GJC1: variants seen among roughly 807,000 people sequenced by gnomAD.
The protein encoded by GJC1 is gap junction gamma-1 protein.
GJC1 carries 5 observed loss-of-function variants against 29.3 expected under a neutral mutation model. The observed-to-expected ratio is 0.17, with a 90% CI of 0.09 to 0.36. The LOEUF (loss-of-function observed/expected upper bound fraction) is 0.36, where lower values mean the gene tolerates loss of function less well. Among genes scored for constraint, GJC1 ranks in the 10% least tolerant of loss-of-function variants. The pLI, the probability that GJC1 is intolerant of heterozygous loss-of-function variation, is 1.00. For synonymous variants in GJC1, 177 were observed against 183.3 expected (o/e 0.97, Z 0.28); for missense variants, 310 against 496.2 (o/e 0.62, Z 3.56).
chr17:44,822,309 G>A (rs9907972), intron 1 of GJC1, among the ~76,000 whole-genome samples: 4,965 of 151,508 alleles, frequency 0.033, 166 homozygotes, highest in African/African-American at 0.068. Flanking sequence ...AACTGCTAAC[G>A]GGTATCAGGT....
chr17:44,824,718 G>C (rs982317083), intron 1 of GJC1, among the ~76,000 whole-genome samples: 1 of 151,556 alleles, frequency 6.6e-6, no homozygotes, highest in African/African-American at 2.4e-5. Flanking sequence ...GCTGAGGCAG[G>C]AGAATTGCTT....
At chr17:44,796,302 G>T (rs1015568670), downstream of GJC1, among the ~76,000 whole-genome samples, 1 of 152,074 alleles carries the variant, frequency 6.6e-6, no homozygotes, top group Non-Finnish European at 1.5e-5. Context: ...CCATATCAAT[G>T]ATATTTTGAA....
At chr17:44,817,370 A>G (rs1444086879) in intron 1 of GJC1, among the ~76,000 whole-genome samples, 4 of 151,622 alleles carry the variant, frequency 2.6e-5, no homozygotes, top group Non-Finnish European at 5.9e-5. Flanking sequence ...AATTATGTAC[A>G]GGTTCTATGT....
intron 1 of GJC1, among the ~76,000 whole-genome samples, chr17:44,821,641 G>A (rs2050106489): frequency 7.1e-6 from 1 of 141,358 alleles, no homozygotes; most frequent in Non-Finnish European, 1.5e-5. Flanking sequence ...AGGCTGCAGT[G>A]AGCCAAGATC....
chr17:44,795,424 G>A (rs1202945352), downstream of GJC1, among the ~76,000 whole-genome samples: 1 of 152,172 alleles, frequency 6.6e-6, no homozygotes, highest in Non-Finnish European at 1.5e-5. Context: ...AGTAGAGACG[G>A]GGTTTCACCA....
Position 44,803,787 on chromosome 17 carries a change from C to A in GJC1, c.*840G>T, listed in dbSNP as rs1040068129. On this transcript the variant is annotated 3_prime_UTR_variant, in exon 3 of 3. Transcript: ENST00000592524. ...GGCTTTGCTTTCTGAGGGACAGCTC[C>A]ATATCATCTCTAGCCAGGTTTTCCA... is the stretch of plus-strand genomic sequence containing the variant. 1 of 152,182 alleles carries A rather than the reference C, an allele frequency of 6.6e-6. No individual in the cohort carries two copies. Among genetic ancestry groups the A allele is most frequent in the Non-Finnish European group, 1.5e-5 (1 of 68,042 alleles). 9.4% of individuals were successfully genotyped at this position (152,182 alleles called of 1,614,324 possible).
At chr17:44,813,979 T>C (rs1179873240) in intron 1 of GJC1, among the ~76,000 whole-genome samples, 1 of 152,066 alleles carries the variant, frequency 6.6e-6, no homozygotes, top group African/African-American at 2.4e-5. Flanking sequence ...TGTTACAGAG[T>C]ACAATACTCC....
intron 1 of GJC1, among the ~76,000 whole-genome samples, chr17:44,829,337 C>A (rs969981255): frequency 6.6e-6 from 1 of 152,084 alleles, no homozygotes; most frequent in African/African-American, 2.4e-5. Flanking sequence ...ACAGCGGTAG[C>A]GCCTACTCTT....
At chr17:44,825,402 A>G (rs2050162633) in intron 1 of GJC1, among the ~76,000 whole-genome samples, 2 of 151,954 alleles carry the variant, frequency 1.3e-5, no homozygotes, top group South Asian at 4.1e-4. Context: ...AGGCAAGAGA[A>G]TCTTGCCCAG....
intron 1 of GJC1, among the ~76,000 whole-genome samples, chr17:44,809,571 CTTTTT>C (rs113989364): frequency 7.1e-6 from 1 of 141,538 alleles, no homozygotes; most frequent in Non-Finnish European, 1.6e-5. Context: ...AAATGTGTAT[CTTTTT>C]TTTTTTTTTT....
chr17:44,796,253 TATC>T (rs2049782842), downstream of GJC1, among the ~76,000 whole-genome samples: 1 of 152,124 alleles, frequency 6.6e-6, no homozygotes, highest in Non-Finnish European at 1.5e-5. Flanking sequence ...CCCCCTTCCA[TATC>T]ATTTAAAGGG....
At chr17:44,807,124 T>C (rs2049921756) in intron 2 of GJC1, among the ~76,000 whole-genome samples, 1 of 152,206 alleles carries the variant, frequency 6.6e-6, no homozygotes, top group Admixed American at 6.5e-5. Flanking sequence ...TAAAAAATGA[T>C]TGCTAAACTG....
intron 1 of GJC1, among the ~76,000 whole-genome samples, chr17:44,816,975 C>T (rs896437329): frequency 2.2e-4 from 34 of 152,008 alleles, no homozygotes; most frequent in African/African-American, 7.2e-4. Flanking sequence ...CTTTGGGAGG[C>T]CAAGGCGGGC....
intron 1 of GJC1, among the ~76,000 whole-genome samples, chr17:44,825,312 G>A (rs1298377159): frequency 6.6e-6 from 1 of 151,030 alleles, no homozygotes; most frequent in Non-Finnish European, 1.5e-5. Flanking sequence ...TGACCAACAT[G>A]GAGAAACCCT....
At chr17:44,819,839 T>C (rs767982582) in intron 1 of GJC1, among the ~76,000 whole-genome samples, 6 of 152,158 alleles carry the variant, frequency 3.9e-5, no homozygotes, top group South Asian at 4.1e-4. Context: ...AATGCTGTTA[T>C]GAACGTGGGT....
At chr17:44,796,603 A>T (rs572887165), downstream of GJC1, among the ~76,000 whole-genome samples, 33 of 152,360 alleles carry the variant, frequency 2.2e-4, no homozygotes, top group African/African-American at 7.7e-4. Context: ...TTCAAACTAT[A>T]ATGTACATAA....
At chr17:44,815,182 A>AT (rs1279178071) in intron 1 of GJC1, among the ~76,000 whole-genome samples, 1 of 151,854 alleles carries the variant, frequency 6.6e-6, no homozygotes, top group African/African-American at 2.4e-5. Flanking sequence ...TAAAGCACCA[A>AT]TTTTTTATTA....
At chr17:44,796,147 G>A (rs537737267), downstream of GJC1, among the ~76,000 whole-genome samples, 3 of 152,312 alleles carry the variant, frequency 2.0e-5, no homozygotes, top group South Asian at 2.1e-4. Flanking sequence ...GAATGGGGGC[G>A]AAGCATTTGG....
At chr17:44,829,014 G>C (rs980272215) in intron 1 of GJC1, among the ~76,000 whole-genome samples, 1 of 150,002 alleles carries the variant, frequency 6.7e-6, no homozygotes, top group Non-Finnish European at 1.5e-5. Flanking sequence ...ACGTATACAC[G>C]ACACAAACAT....
Sources: allele counts gnomAD v4.1 joint callset (sites outside exome capture counted in the v4.1 genomes callset), GRCh38; gene constraint gnomAD v4.1.1; transcripts MANE v1.5; gene names NCBI Gene and HGNC (gene_info 2026-07-23, HGNC 2026-07-21).